The following EPHA5 variants were observed in gnomAD, a reference collection of about 807,000 sequenced individuals.
EPHA5 encodes EPH receptor A5.
A neutral mutation model predicts 105.0 loss-of-function variants in EPHA5; 60 were observed. The ratio of observed to expected loss-of-function variants is 0.57; its 90% CI spans 0.46 to 0.71. The LOEUF (loss-of-function observed/expected upper bound fraction) is 0.71, where lower values mean the gene tolerates loss of function less well. Ranked by LOEUF, EPHA5 falls within the 30% of genes least tolerant of loss-of-function variation. The pLI, the probability that EPHA5 is intolerant of heterozygous loss-of-function variation, is 0.00. For missense variants in EPHA5, 1,218 were observed against 1,274.7 expected (o/e 0.96, Z 0.68); for synonymous variants, 513 against 449.1 (o/e 1.14, Z -1.80).
intron 3 of EPHA5, among the ~76,000 whole-genome samples, chr4:65,576,317 T>C (rs1376948850): frequency 1.3e-5 from 2 of 152,076 alleles, no homozygotes; most frequent in African/African-American, 4.8e-5. Context: ...AGTATAATAA[T>C]TAAACAAGCT....
chr4:65,428,078 T>C (rs1162191604), intron 5 of EPHA5, among the ~76,000 whole-genome samples: 1 of 152,100 alleles, frequency 6.6e-6, no homozygotes, highest in African/African-American at 2.4e-5. Context: ...CTGTAGCTGG[T>C]TTAATAAATA....
rs1719560053 is a variant in EPHA5 at position 65,320,539 on chromosome 4, T to C, written c.*3575A>G. ...ATAAATTTCTAACACCTGACTCAAA[T>C]AGTGTTTGCCATCCAATGCACTTTT... On this transcript the variant is annotated 3_prime_UTR_variant, in exon 17 of 17. Transcript: ENST00000613740. The C allele has an allele frequency of 1.3e-5, 3 of 229,382 alleles. No individual in the cohort carries two copies. The highest frequency in any genetic ancestry group is 2.6e-5 in the Non-Finnish European group (3 of 115,592). 14.2% of individuals were successfully genotyped at this position (229,382 alleles called of 1,614,324 possible).
chr4:65,458,687 T>C (rs1357486016), intron 5 of EPHA5, among the ~76,000 whole-genome samples: 4 of 152,156 alleles, frequency 2.6e-5, no homozygotes, highest in Admixed American at 6.5e-5. Flanking sequence ...TTTTGATTCA[T>C]TTCTATTTTT....
intron 3 of EPHA5, among the ~76,000 whole-genome samples, chr4:65,535,807 T>C (rs1043894496): frequency 1.3e-5 from 2 of 151,984 alleles, no homozygotes; most frequent in Non-Finnish European, 2.9e-5. Context: ...AAAACTGAAC[T>C]GGAAGTGGAG....
chr4:65,347,918 A>G (rs937287585), intron 14 of EPHA5, 136 bp downstream of exon 14: 2 of 910,596 alleles, frequency 2.2e-6, no homozygotes, highest in Non-Finnish European at 1.6e-6. Flanking sequence ...TCAACAACAC[A>G]AAACAGATCA....
intron 2 of EPHA5, among the ~76,000 whole-genome samples, chr4:65,630,981 C>A (rs1455755478): frequency 6.6e-6 from 1 of 152,140 alleles, no homozygotes; most frequent in African/African-American, 2.4e-5. Flanking sequence ...TATATCCTGA[C>A]TGCTTAAGAG....
At chr4:65,488,916 C>T (rs1174771665) in intron 5 of EPHA5, among the ~76,000 whole-genome samples, 8 of 116,216 alleles carry the variant, frequency 6.9e-5, no homozygotes, top group African/African-American at 9.6e-5. Flanking sequence ...GACGGAGTCT[C>T]GCTCTGTTGC....
At chr4:65,376,125 C>T (rs2148917375) in intron 8 of EPHA5, among the ~76,000 whole-genome samples, 1 of 152,042 alleles carries the variant, frequency 6.6e-6, no homozygotes, top group African/African-American at 2.4e-5. Flanking sequence ...ACAAAAATTA[C>T]TTTACACCTA....
chr4:65,605,248 C>T (rs918573710), intron 2 of EPHA5, among the ~76,000 whole-genome samples: 2 of 152,136 alleles, frequency 1.3e-5, no homozygotes, highest in African/African-American at 4.8e-5. Flanking sequence ...CTCACATCAG[C>T]CACATTCATC....
At chr4:65,596,631 A>G (rs1743215694) in intron 3 of EPHA5, among the ~76,000 whole-genome samples, 1 of 151,942 alleles carries the variant, frequency 6.6e-6, no homozygotes, top group Non-Finnish European at 1.5e-5. Context: ...TTGTAAATGG[A>G]TGAAATGATT....
At chr4:65,669,351 C>T (rs944922628) in intron 1 of EPHA5, 2 of 969,816 alleles carry the variant, frequency 2.1e-6, no homozygotes, top group African/African-American at 3.5e-5. Context: ...ATGTTCCTTG[C>T]CCAGCACTCC....
intron 14 of EPHA5, among the ~76,000 whole-genome samples, chr4:65,346,718 G>A (rs1722259512): frequency 6.6e-6 from 1 of 152,074 alleles, no homozygotes; most frequent in Admixed American, 6.6e-5. Flanking sequence ...GAAAATTTTT[G>A]CAATCTACCC....
chr4:65,388,046 C>G (rs191662796), intron 8 of EPHA5, among the ~76,000 whole-genome samples: 8 of 144,006 alleles, frequency 5.6e-5, no homozygotes, highest in African/African-American at 1.3e-4. Flanking sequence ...CAATTCCCAT[C>G]TATGAGTGAG....
At chr4:65,539,933 T>C (rs1422600776) in intron 3 of EPHA5, among the ~76,000 whole-genome samples, 1 of 151,520 alleles carries the variant, frequency 6.6e-6, no homozygotes, top group Non-Finnish European at 1.5e-5. Flanking sequence ...GTTATCACTA[T>C]ATTATTTCCC....
At chr4:65,656,654 C>T (rs1372327199) in intron 1 of EPHA5, among the ~76,000 whole-genome samples, 4 of 148,970 alleles carry the variant, frequency 2.7e-5, no homozygotes, top group East Asian at 2.0e-4. Flanking sequence ...CCCTCTGTTG[C>T]CCAAGCTGAA....
At chr4:65,641,326 A>G (rs1219309792) in intron 2 of EPHA5, among the ~76,000 whole-genome samples, 1 of 152,146 alleles carries the variant, frequency 6.6e-6, no homozygotes, top group Admixed American at 6.5e-5. Context: ...AGCATGCCCT[A>G]TATTGCTCCA....
intron 8 of EPHA5, among the ~76,000 whole-genome samples, chr4:65,391,332 C>T (rs1442302217): frequency 2.0e-5 from 3 of 152,060 alleles, no homozygotes; most frequent in Admixed American, 6.6e-5. Context: ...TTCCAAATGG[C>T]ATAATAAAGA....
rs140046881 is a variant in EPHA5 at position 65,656,535 on chromosome 4, A to G, written c.181+13027T>C. On this transcript the variant is annotated intron_variant, in intron 1 of 16. Transcript: ENST00000613740. ...ATCTTCATTTATTTTCTCATGAAGC[A>G]TACTATTTATATGTAGTATACTACA... 5.7e-3 allele frequency among the ~76,000 whole-genome samples: 848 copies of G among 148,958 alleles called. 36 individuals carry two copies. Among genetic ancestry groups the G allele is most frequent in the Admixed American group, 0.049 (733 of 14,854 alleles).
At chr4:65,576,063 G>GAAAGAAAGA (rs1740947026) in intron 3 of EPHA5, among the ~76,000 whole-genome samples, 1 of 56,050 alleles carries the variant, frequency 1.8e-5, no homozygotes, top group Non-Finnish European at 3.4e-5. Context: ...AGAAAGAAAA[G>GAAAGAAAGA]AAAAGAAAAG....
Sources: allele counts gnomAD v4.1 joint callset (sites outside exome capture counted in the v4.1 genomes callset), GRCh38; gene constraint gnomAD v4.1.1; transcripts MANE v1.5; gene names NCBI Gene and HGNC (gene_info 2026-07-23, HGNC 2026-07-21).